AFG3L2: variants seen among roughly 807,000 people sequenced by gnomAD.
The protein encoded by AFG3L2 is mitochondrial inner membrane m-AAA protease component AFG3L2.
In AFG3L2, 54 loss-of-function variants were observed where a neutral mutation model predicts 94.5. The observed-to-expected ratio is 0.57, with a 90% CI of 0.46 to 0.72. The LOEUF is 0.72. Among genes scored for constraint, AFG3L2 ranks in the 30% least tolerant of loss-of-function variants. The probability of loss-of-function intolerance (pLI) is 0.00; values close to 1 mark genes in which losing one functional copy is unlikely to be tolerated. For synonymous variants in AFG3L2, 377 were observed against 365.5 expected (o/e 1.03, Z -0.36); for missense variants, 754 against 994.9 (o/e 0.76, Z 3.26).
chr18:12,329,003 A>G lies in AFG3L2; in HGVS notation c.*562T>C. The G allele has an allele frequency of 1.6e-6, 1 of 609,184 alleles. No individual in the cohort carries two copies. Among genetic ancestry groups the G allele is most frequent in the South Asian group, 2.0e-5 (1 of 49,506 alleles). 37.7% of individuals were successfully genotyped at this position (609,184 alleles called of 1,614,324 possible). A position where few individuals can be genotyped will look rare whatever the true frequency, so the allele number is the denominator to read the frequency against. ...TTTTATGTAAAGAAGCCATATTTAC[A>G]TAATACATTCATATTTTTAAGTATG... On this transcript the variant is annotated 3_prime_UTR_variant, in exon 17 of 17. Coordinates refer to ENST00000269143, the MANE Select transcript of AFG3L2 (RefSeq NM_006796.3).
chr18:12,329,835 A>G lies in AFG3L2; in HGVS notation c.2176-52T>C, dbSNP rs768986094. 1.9e-5 allele frequency: 29 copies of G among 1,497,278 alleles called. No homozygotes were observed. The Admixed American group carries it at 4.7e-4, about 24-fold the overall frequency. The allele number at this position is 1,497,278 out of a possible 1,614,324, so 92.7% of individuals were successfully genotyped here. On this transcript the variant is annotated intron_variant, in intron 16 of 16. Transcript: ENST00000269143. ...TACAGTTACTCAGCAAAGTCTATTC[A>G]GAAATATTAATTTTTTATTTACAGG...
chr18:12,347,829 G>A (rs111769695), intron 13 of AFG3L2, among the ~76,000 whole-genome samples: 6 of 152,286 alleles, frequency 3.9e-5, no homozygotes, highest in African/African-American at 7.2e-5. Context: ...GATTACAGGC[G>A]TGAGCCACCG....
chr18:12,332,348 C>A (rs1373615472), intron 16 of AFG3L2, among the ~76,000 whole-genome samples: 3 of 152,106 alleles, frequency 2.0e-5, no homozygotes, highest in Admixed American at 6.6e-5. Context: ...TAGTCTCAAA[C>A]TCAGCCCCTC....
intron 16 of AFG3L2, among the ~76,000 whole-genome samples, chr18:12,331,185 A>G (rs1741148459): frequency 6.6e-6 from 1 of 152,194 alleles, no homozygotes; most frequent in Admixed American, 6.5e-5. Context: ...GTACAGTCAC[A>G]TGCGAGCAGG....
intron 13 of AFG3L2, 177 bp from the exon 14 acceptor site, chr18:12,344,424 C>T (rs973774874): frequency 3.2e-6 from 2 of 616,144 alleles, no homozygotes; most frequent in Non-Finnish European, 5.9e-6. Flanking sequence ...CCTGTAATCC[C>T]AGCACTTTGG....
chr18:12,357,318 C>T (rs1358965738), intron 8 of AFG3L2, among the ~76,000 whole-genome samples: 4 of 152,160 alleles, frequency 2.6e-5, no homozygotes, highest in East Asian at 1.9e-4. Flanking sequence ...CATGGTTGGA[C>T]GTGCAACTTA....
At chr18:12,332,669 C>CAT (rs1052486391) in intron 16 of AFG3L2, among the ~76,000 whole-genome samples, 2 of 96,480 alleles carry the variant, frequency 2.1e-5, no homozygotes, top group African/African-American at 3.8e-5. Flanking sequence ...TCATTTTATC[C>CAT]ATATATATAT....
intron 16 of AFG3L2, among the ~76,000 whole-genome samples, chr18:12,335,564 A>C (rs1907715894): frequency 6.6e-6 from 1 of 152,126 alleles, no homozygotes; most frequent in South Asian, 2.1e-4. Context: ...CCCTGGGTAC[A>C]TCCTCAACCT....
chr18:12,336,876 G>A (rs1907758660), intron 16 of AFG3L2, among the ~76,000 whole-genome samples: 2 of 152,132 alleles, frequency 1.3e-5, no homozygotes. Flanking sequence ...CTTTCTTGTG[G>A]AAGTTCATGA....
Position 12,377,219 on chromosome 18 carries a change from C to T in AFG3L2, c.-137G>A. ...CGCGCCGGCGGCTCACGGAGGAGCC[C>T]AAGCTCTCAACGCGGCGTCTCCTGC... On this transcript the variant is annotated 5_prime_UTR_variant, in exon 1 of 17. Coordinates refer to ENST00000269143, the MANE Select transcript of AFG3L2 (RefSeq NM_006796.3). 1.5e-6 allele frequency: 1 copy of T among 688,996 alleles called. No homozygotes were observed. Among genetic ancestry groups the T allele is most frequent in the Non-Finnish European group, 2.4e-6 (1 of 421,332 alleles). The allele number at this position is 688,996 out of a possible 1,614,324, so 42.7% of individuals were successfully genotyped here.
chr18:12,376,338 C>T (rs1909155050), intron 1 of AFG3L2, among the ~76,000 whole-genome samples: 2 of 152,232 alleles, frequency 1.3e-5, no homozygotes, highest in Admixed American at 1.3e-4. Flanking sequence ...TCTGTCAACA[C>T]TCTATCATTA....
chr18:12,366,814 G>T, intron 5 of AFG3L2, 151 bp downstream of exon 5: 1 of 1,078,064 alleles, frequency 9.3e-7, no homozygotes, highest in Non-Finnish European at 1.4e-6. Flanking sequence ...TTCTCTAGTT[G>T]CAGTACTTCT....
chr18:12,362,292 G>C (rs1234234135), intron 6 of AFG3L2, among the ~76,000 whole-genome samples: 1 of 152,186 alleles, frequency 6.6e-6, no homozygotes, highest in Non-Finnish European at 1.5e-5. Context: ...TTCACAGCAA[G>C]ACACTGAAAA....
intron 3 of AFG3L2, 134 bp from the exon 4 acceptor site, chr18:12,367,516 C>T: frequency 1.2e-6 from 1 of 826,058 alleles, no homozygotes; most frequent in Non-Finnish European, 2.0e-6. Flanking sequence ...CTAAGTGAAG[C>T]ACTATGAGAA....
chr18:12,346,139 T>C (rs975736834), intron 13 of AFG3L2, among the ~76,000 whole-genome samples: 4 of 152,230 alleles, frequency 2.6e-5, no homozygotes, highest in African/African-American at 9.6e-5. Flanking sequence ...TCCCTGTTAC[T>C]GGCACATCTT....
intron 14 of AFG3L2, chr18:12,343,076 T>G (rs2076943701): frequency 6.6e-6 from 1 of 152,214 alleles, no homozygotes; most frequent in Admixed American, 6.5e-5. Flanking sequence ...GGAGAACTGA[T>G]GTAACACTCC....
chr18:12,356,843 A>C lies in AFG3L2; in HGVS notation c.1027-12T>G. On this transcript the variant is annotated splice_polypyrimidine_tract_variant and intron_variant, in intron 8 of 16. Coordinates refer to ENST00000269143, the MANE Select transcript of AFG3L2 (RefSeq NM_006796.3). Reference sequence around the variant, plus strand: ...GTGAGAATGGCACCCTTCAGATATGAAAAAAGAAATTACATTTAATGAGAA... The same window carrying C: ...GTGAGAATGGCACCCTTCAGATATGCAAAAAGAAATTACATTTAATGAGAA... 6.2e-7 allele frequency: 1 copy of C among 1,613,588 alleles called. No individual in the cohort carries two copies. The highest frequency in any genetic ancestry group is 8.5e-7 in the Non-Finnish European group (1 of 1,179,820).
rs777357028 is a variant in AFG3L2 at position 12,353,134 on chromosome 18, G to A, written c.1189C>T (p.Arg397Trp). 3.7e-6 allele frequency: 6 copies of A among 1,613,912 alleles called. No individual in the cohort carries two copies. The highest frequency in any genetic ancestry group is 1.6e-4 in the Middle Eastern group (1 of 6,084). The change falls in exon 10 of 17, where the codon CGG becomes TGG. Residue 397 changes from arginine (R) to tryptophan (W), a missense_variant. Physicochemically the swap from Arg to Trp is moderately radical, Grantham distance 101. This residue lies in a region of AFG3L2 where 109 missense variants were observed against 227.1 expected (regional missense o/e 0.48). Coordinates refer to ENST00000269143, the MANE Select transcript of AFG3L2 (RefSeq NM_006796.3). Reference protein sequence around the residue: ...ARVRDLFALARKNAPCILFID... With the variant: ...ARVRDLFALAWKNAPCILFID... ...AAGAGGATGCAAGGGGCATTCTTCC[G>A]AGCAAGGGCAAATAAGTCTCGGACC... is the stretch of plus-strand genomic sequence containing the variant.
rs1908509456 is a variant in AFG3L2, at chr18:12,356,776, G to A, written c.1082C>T (p.Thr361Ile). Residue 361 changes from threonine (T) to isoleucine (I), a missense_variant, in exon 9 of 17, where the codon ACA becomes ATA. By Grantham distance (89) the Thr-to-Ile change is moderately conservative. This residue lies in a region of AFG3L2 where 109 missense variants were observed against 227.1 expected (regional missense o/e 0.48). Coordinates refer to ENST00000269143, the MANE Select transcript of AFG3L2 (RefSeq NM_006796.3). Reference protein sequence around the residue: ...GTGKTLLAKATAGEANVPFIT... With the variant: ...GTGKTLLAKAIAGEANVPFIT... ...GAAGGGGACATTGGCTTCTCCGGCT[G>A]TGGCCTTAGCTAGCAGCGTCTTCCC... 1.2e-6 allele frequency: 2 copies of A among 1,614,108 alleles called. No individual in the cohort carries two copies. The highest frequency in any genetic ancestry group is 1.1e-5 in the South Asian group (1 of 91,086).
Sources: gnomAD v4.1 joint callset for allele counts (sites outside exome capture counted in the v4.1 genomes callset) on GRCh38, gnomAD v4.1.1 for gene constraint, gnomAD v4.1.1 regional missense constraint, MANE v1.5 for transcripts, NCBI Gene and HGNC (gene_info 2026-07-23, HGNC 2026-07-21) for gene names.